Variants in DNAH7 observed in about 807,000 individuals in gnomAD.
DNAH7 encodes dynein axonemal heavy chain 7.
A neutral mutation model predicts 444.6 loss-of-function variants in DNAH7; 397 were observed. The observed-to-expected ratio is 0.89, with a 90% confidence interval of 0.82 to 0.97. The LOEUF is 0.97. Ranked by LOEUF, DNAH7 falls within the 50% of genes least tolerant of loss-of-function variation. DNAH7 has a pLI of 0.00. For synonymous variants in DNAH7, 1,636 were observed against 1,624.4 expected (o/e 1.01, Z -0.17); for missense variants, 4,902 against 4,800.8 (o/e 1.02, Z -0.62).
chr2:195,912,115 C>T (rs1574745664), intron 24 of DNAH7, among the ~76,000 whole-genome samples: 1 of 152,026 alleles, frequency 6.6e-6, no homozygotes, highest in African/African-American at 2.4e-5. Context: ...ATAAGAAGAC[C>T]GTAAGTGAGT....
In DNAH7 at chr2:195,888,441, A is replaced by T; in HGVS notation, c.5230-7T>A. ...TCATGCCACATCTGGAAACCTGGAA[A>T]GCCATAATTGGTTACCATCAAGGTA... On this transcript the variant is annotated splice_region_variant and splice_polypyrimidine_tract_variant and intron_variant, in intron 32 of 64. Transcript: ENST00000312428. 6.3e-7 allele frequency: 1 copy of T among 1,580,462 alleles called. No homozygotes were observed. Among genetic ancestry groups the T allele is most frequent in the Non-Finnish European group, 8.5e-7 (1 of 1,170,668 alleles).
chr2:196,058,291 A>G (rs1172555834), intron 1 of DNAH7, among the ~76,000 whole-genome samples, 175 bp from the exon 2 acceptor site: 4 of 152,240 alleles, frequency 2.6e-5, no homozygotes, highest in Non-Finnish European at 5.9e-5. Context: ...TCATCAAAAA[A>G]TATTAAAGCT....
Position 196,047,365 on chromosome 2 carries a change from C to G in DNAH7, c.385G>C (p.Val129Leu), listed in dbSNP as rs772446920. 1.2e-5 allele frequency: 19 copies of G among 1,595,070 alleles called. No individual in the cohort carries two copies. The African/African-American group carries it at 2.3e-4, about 19-fold the overall frequency. Residue 129 changes from valine (V) to leucine (L), a missense_variant, in exon 5 of 65, where the codon GTT (valine) becomes CTT (leucine). Physicochemically the swap from Val to Leu is conservative, Grantham distance 32. Transcript: ENST00000312428. ...KERENFRSTL[V>L]NVIMQQDADL... ...TATACAACTTACATAATGACATTAA[C>G]AAGAGTACTTCTAAAGTTTTCTCGT...
At chr2:195,811,244 C>T (rs1696954569) in intron 51 of DNAH7, among the ~76,000 whole-genome samples, 1 of 152,168 alleles carries the variant, frequency 6.6e-6, no homozygotes, top group Non-Finnish European at 1.5e-5. Context: ...GAAGTGAACA[C>T]CTTTGTCCTA....
chr2:195,900,742 G>C, intron 27 of DNAH7: 1 of 329,444 alleles, frequency 3.0e-6, no homozygotes, highest in Admixed American at 4.5e-5. Flanking sequence ...TAGCACTGTG[G>C]GGTGACTATA....
intron 20 of DNAH7, 144 bp from the exon 21 acceptor site, chr2:195,934,933 A>C: frequency 1.2e-6 from 1 of 801,982 alleles, no homozygotes; most frequent in Non-Finnish European, 1.9e-6. Flanking sequence ...AAAACAAACA[A>C]ACAAAAAACA....
chr2:195,960,667 TCTTA>T lies in DNAH7; in HGVS notation c.2480_2483del (p.Val827AspfsTer16), dbSNP rs767974829. 2.5e-6 allele frequency: 4 copies of T among 1,614,104 alleles called. No homozygotes were observed. The Middle Eastern group carries it at 4.9e-4, about 199-fold the overall frequency. On this transcript the variant is annotated frameshift_variant, in exon 18 of 65. Coordinates refer to ENST00000312428, the MANE Select transcript of DNAH7 (RefSeq NM_018897.3). LOFTEE classifies it high-confidence loss of function. ...GCTGCTTGAAATCTTCCACCTTTGATCTTACTTTTTTTGTCATTGCCAATGCATA... is the reference window on the plus strand; with the variant it reads ...GCTGCTTGAAATCTTCCACCTTTGATCTTTTTTTGTCATTGCCAATGCATA...
rs775976183 is a variant in DNAH7, at chr2:195,857,617, G to T, written c.8174C>A (p.Pro2725Gln). The change falls in exon 44 of 65, where the codon CCA becomes CAA. Residue 2725 changes from proline (P) to glutamine (Q), a missense_variant. Transcript: ENST00000312428. ...KGIKADKIPDPTGSGKKIEDF... is the reference protein window; with the variant it reads ...KGIKADKIPDQTGSGKKIEDF... ...CTCAATTTTTTTCCCTGAACCTGTTGGGTCAGGGATTTTGTCAGCTTTGAT... is the reference window on the plus strand; with the variant it reads ...CTCAATTTTTTTCCCTGAACCTGTTTGGTCAGGGATTTTGTCAGCTTTGAT... The T allele has an allele frequency of 6.2e-7, 1 of 1,613,792 alleles. No homozygotes were observed. The highest frequency in any genetic ancestry group is 8.5e-7 in the Non-Finnish European group (1 of 1,179,920).
intron 57 of DNAH7, among the ~76,000 whole-genome samples, chr2:195,789,168 AT>A (rs111630566): frequency 4.1e-4 from 62 of 149,464 alleles, no homozygotes; most frequent in South Asian, 8.5e-4. Flanking sequence ...AGATAATAGA[AT>A]TTTTTTTTTT....
At chr2:195,956,766 T>C (rs1690692595) in intron 19 of DNAH7, among the ~76,000 whole-genome samples, 1 of 152,232 alleles carries the variant, frequency 6.6e-6, no homozygotes, top group Non-Finnish European at 1.5e-5. Flanking sequence ...ACAGTATTTG[T>C]GTATTTTTCT....
At chr2:195,760,457 G>A (rs1224018418) in intron 61 of DNAH7, among the ~76,000 whole-genome samples, 2 of 152,086 alleles carry the variant, frequency 1.3e-5, no homozygotes, top group African/African-American at 4.8e-5. Context: ...GGGTACAACA[G>A]GCCTTGGATG....
intron 18 of DNAH7, 102 bp downstream of exon 18, chr2:195,960,158 T>A: frequency 1.1e-6 from 1 of 920,184 alleles, no homozygotes; most frequent in Non-Finnish European, 1.6e-6. Flanking sequence ...AAATATTAAG[T>A]ATGAAATATT....
At chr2:195,986,677 A>G (rs988249769) in intron 14 of DNAH7, among the ~76,000 whole-genome samples, 1 of 152,230 alleles carries the variant, frequency 6.6e-6, no homozygotes, top group South Asian at 2.1e-4. Context: ...GAGTAATTTT[A>G]GGAAGATGAA....
chr2:195,792,394 T>TACACACACACACACAC (rs59046004), intron 57 of DNAH7, among the ~76,000 whole-genome samples: 1 of 117,216 alleles, frequency 8.5e-6, no homozygotes, highest in Non-Finnish European at 1.8e-5. Context: ...AACCAAAAAA[T>TACACACACACACACAC]ACACACACAC....
At chr2:196,040,429 A>G (rs1024536245) in intron 5 of DNAH7, among the ~76,000 whole-genome samples, 3 of 152,200 alleles carry the variant, frequency 2.0e-5, no homozygotes, top group African/African-American at 7.2e-5. Flanking sequence ...AACATTCATA[A>G]ATCAATATAT....
At chr2:195,856,821 T>A (rs1292033980) in intron 44 of DNAH7, among the ~76,000 whole-genome samples, 2 of 152,186 alleles carry the variant, frequency 1.3e-5, no homozygotes, top group African/African-American at 4.8e-5. Context: ...CTCTGTGTGA[T>A]GGTGGATTTT....
chr2:195,963,476 G>T (rs1691250995), intron 17 of DNAH7, among the ~76,000 whole-genome samples: 1 of 152,140 alleles, frequency 6.6e-6, no homozygotes, highest in African/African-American at 2.4e-5. Context: ...TTTTCCAACA[G>T]AGTTGTATGA....
chr2:195,816,784 C>T lies in DNAH7; in HGVS notation c.9605G>A (p.Gly3202Asp), dbSNP rs1249077845. ...AGAATGGATGGCAATAGGACGATAG[C>T]CCATGCGGGTGGTGTCAATCTTTTT... ...TEKKIDTTRM[G>D]YRPIAIHSSI... The change falls in exon 51 of 65, where the codon GGC becomes GAC. Residue 3202 changes from glycine to aspartate, a missense_variant. By Grantham distance (94) the Gly-to-Asp change is moderately conservative. Coordinates refer to ENST00000312428, the MANE Select transcript of DNAH7 (RefSeq NM_018897.3). 2 of 1,614,108 alleles carry T rather than the reference C, an allele frequency of 1.2e-6. No individual in the cohort carries two copies. Among genetic ancestry groups the T allele is most frequent in the Admixed American group, 3.3e-5 (2 of 60,020 alleles).
chr2:196,051,070 C>A lies in DNAH7; in HGVS notation c.141+117G>T, dbSNP rs1559371037. 8 of 892,206 alleles carry A rather than the reference C, an allele frequency of 9.0e-6. No individual in the cohort carries two copies. The East Asian group carries it at 2.0e-4, about 22-fold the overall frequency. 55.3% of individuals were successfully genotyped at this position (892,206 alleles called of 1,614,324 possible). A position where few individuals can be genotyped will look rare whatever the true frequency, so the allele number is the denominator to read the frequency against. ...CTAATATGCACACCTCATAGAATTT[C>A]TCCATCAGAAAAGAATCAAATGGAG... On this transcript the variant is annotated intron_variant, in intron 3 of 64. Coordinates refer to ENST00000312428, the MANE Select transcript of DNAH7 (RefSeq NM_018897.3).
Sources: allele counts gnomAD v4.1 joint callset (sites outside exome capture counted in the v4.1 genomes callset), GRCh38; gene constraint gnomAD v4.1.1; transcripts MANE v1.5; gene names NCBI Gene and HGNC (gene_info 2026-07-23, HGNC 2026-07-21).